The following PALM2AKAP2 variants were observed in gnomAD, a reference collection of about 807,000 sequenced individuals.
PALM2AKAP2 encodes the protein PALM2 and AKAP2 fusion.
A neutral mutation model predicts 71.5 loss-of-function variants in PALM2AKAP2; 37 were observed. The observed-to-expected ratio is 0.52, with a 90% CI of 0.40 to 0.68. The LOEUF (loss-of-function observed/expected upper bound fraction) is 0.68, where lower values mean the gene tolerates loss of function less well. Ranked by LOEUF, PALM2AKAP2 falls within the 30% of genes least tolerant of loss-of-function variation. PALM2AKAP2 has a pLI of 0.00. For missense variants in PALM2AKAP2, 1,224 were observed against 1,191.8 expected, an observed-to-expected ratio of 1.03 and a Z score of -0.40; for synonymous variants, 468 against 478.8, an observed-to-expected ratio of 0.98 and a Z score of 0.29.
At chr9:109,694,671 A>G (rs1262178808) in intron 1 of PALM2AKAP2, among the ~76,000 whole-genome samples, 1 of 152,110 alleles carries the variant, frequency 6.6e-6, no homozygotes, top group Non-Finnish European at 1.5e-5. Context: ...TAAATACTAA[A>G]GGTTTCTCTG....
chr9:110,046,658 AG>A (rs1833603002), upstream of PALM2AKAP2, among the ~76,000 whole-genome samples: 1 of 151,914 alleles, frequency 6.6e-6, no homozygotes, highest in Admixed American at 6.6e-5. Flanking sequence ...AGTAGAGACG[AG>A]GTTTCTCTAT....
At position 109,823,979 on chromosome 9, in the gene PALM2AKAP2, C is replaced by T. The variant is rs117905163; in HGVS notation, c.45+43446C>T. On this transcript the variant is annotated intron_variant, in intron 1 of 9. Transcript: ENST00000302798. ...TCATGGCTCACTACAGCCTCAACCTCCCCCAGCTCAGGTGATCCTCCTGCC... is the reference window on the plus strand; with the variant it reads ...TCATGGCTCACTACAGCCTCAACCTTCCCCAGCTCAGGTGATCCTCCTGCC... 7.2e-3 allele frequency among the ~76,000 whole-genome samples: 1,101 copies of T among 152,206 alleles called. 43 individuals carry two copies. Among genetic ancestry groups the T allele is most frequent in the Admixed American group, 0.057 (871 of 15,284 alleles).
chr9:110,001,325 G>C (rs1393659578), intron 6 of PALM2AKAP2, among the ~76,000 whole-genome samples: 1 of 152,186 alleles, frequency 6.6e-6, no homozygotes, highest in Non-Finnish European at 1.5e-5. Flanking sequence ...GTTAGTTGTA[G>C]AAATGTGGCA....
intron 3 of PALM2AKAP2, among the ~76,000 whole-genome samples, chr9:109,918,250 T>A (rs990362033): frequency 6.6e-6 from 1 of 152,204 alleles, no homozygotes; most frequent in Non-Finnish European, 1.5e-5. Context: ...TAAATAAACT[T>A]TGAAATAAGA....
intron 1 of PALM2AKAP2, among the ~76,000 whole-genome samples, chr9:109,693,245 C>T (rs187454826): frequency 6.6e-6 from 1 of 151,876 alleles, no homozygotes; most frequent in African/African-American, 2.4e-5. Context: ...TAATCTTTGT[C>T]AAATTTGTTG....
rs894962339 is a variant in PALM2AKAP2 at position 110,104,526 on chromosome 9, G to A, written c.157-31601G>A. Among the ~76,000 whole-genome samples, 8 of 152,280 alleles carry A rather than the reference G, an allele frequency of 5.3e-5. No homozygotes were observed. In the East Asian group the frequency reaches 1.2e-3, roughly 22 times the overall value. On this transcript the variant is annotated intron_variant, in intron 1 of 3. Transcript: ENST00000374525. ...TTCTGAAGGATGGTTTTTATAGCTA[G>A]TATAAACCCTTAGTTTATCAGCTTC...
At chr9:109,972,321 C>A (rs1002061620) in intron 6 of PALM2AKAP2, among the ~76,000 whole-genome samples, 9 of 152,186 alleles carry the variant, frequency 5.9e-5, no homozygotes, top group Admixed American at 2.0e-4. Context: ...TGTCTCTTAC[C>A]ATTCCGTTGT....
intron 7 of PALM2AKAP2, among the ~76,000 whole-genome samples, chr9:110,043,577 T>C (rs1833541936): frequency 6.6e-6 from 1 of 152,146 alleles, no homozygotes. Flanking sequence ...GTATTTTATA[T>C]ATTTACTCAT....
intron 1 of PALM2AKAP2, among the ~76,000 whole-genome samples, chr9:109,734,399 G>A: frequency 6.6e-6 from 1 of 152,016 alleles, no homozygotes; most frequent in East Asian, 1.9e-4. Flanking sequence ...TAGCCAATAG[G>A]CACATTTGTC....
At chr9:109,913,363 C>T (rs751902369) in intron 3 of PALM2AKAP2, among the ~76,000 whole-genome samples, 9 of 152,292 alleles carry the variant, frequency 5.9e-5, no homozygotes, top group Non-Finnish European at 7.3e-5. Context: ...GGAAGCCAGA[C>T]GGACACAAAT....
intron 2 of PALM2AKAP2, among the ~76,000 whole-genome samples, chr9:109,871,250 T>G (rs1242400243): frequency 6.6e-6 from 1 of 152,208 alleles, no homozygotes; most frequent in Non-Finnish European, 1.5e-5. Context: ...ACTTTGTATA[T>G]GGACTTCGAG....
Position 109,902,418 on chromosome 9 carries a change from G to A in PALM2AKAP2, c.258-21317G>A, listed in dbSNP as rs376200532. 3.3e-5 allele frequency among the ~76,000 whole-genome samples: 5 copies of A among 152,196 alleles called. No individual in the cohort carries two copies. In the East Asian group the frequency reaches 7.7e-4, roughly 23 times the overall value. On this transcript the variant is annotated intron_variant, in intron 3 of 9. Transcript: ENST00000302798. Reference sequence around the variant, plus strand: ...TGGGAGCATGGGAGGGATATAATCAGAACAGCAGCATTCTTTCATTATGAC... The same window carrying A: ...TGGGAGCATGGGAGGGATATAATCAAAACAGCAGCATTCTTTCATTATGAC...
At chr9:109,649,729 C>G (rs1827200328) in intron 1 of PALM2AKAP2, among the ~76,000 whole-genome samples, 1 of 152,154 alleles carries the variant, frequency 6.6e-6, no homozygotes, top group Non-Finnish European at 1.5e-5. Flanking sequence ...CTACTATTTG[C>G]CCAAGAATAG....
intron 3 of PALM2AKAP2, among the ~76,000 whole-genome samples, chr9:109,918,323 T>C (rs1830741951): frequency 6.6e-6 from 1 of 152,212 alleles, no homozygotes; most frequent in Admixed American, 6.5e-5. Context: ...GATGATCTAT[T>C]GGGGTTAGGT....
chr9:110,166,789 C>A (rs1836746671), intron 3 of PALM2AKAP2, among the ~76,000 whole-genome samples: 1 of 152,052 alleles, frequency 6.6e-6, no homozygotes, highest in Admixed American at 6.5e-5. Flanking sequence ...GAGATGGACC[C>A]CCGATCTCCC....
chr9:109,933,439 A>C (rs1490932933), intron 6 of PALM2AKAP2, among the ~76,000 whole-genome samples: 1 of 152,234 alleles, frequency 6.6e-6, no homozygotes, highest in African/African-American at 2.4e-5. Context: ...CTGCACTTCA[A>C]AGGACACAGG....
At chr9:109,681,616 C>G (rs957005410) in intron 1 of PALM2AKAP2, among the ~76,000 whole-genome samples, 2 of 152,146 alleles carry the variant, frequency 1.3e-5, no homozygotes, top group African/African-American at 2.4e-5. Context: ...ACAAAAGACA[C>G]TAGGGCAGGA....
At chr9:109,980,958 G>A (rs1057370558) in intron 6 of PALM2AKAP2, among the ~76,000 whole-genome samples, 5 of 152,212 alleles carry the variant, frequency 3.3e-5, no homozygotes, top group South Asian at 2.1e-4. Flanking sequence ...TCCCAGCTTC[G>A]TGGTTTGTGC....
At chr9:110,006,248 C>T (rs1458751405) in intron 6 of PALM2AKAP2, among the ~76,000 whole-genome samples, 1 of 151,454 alleles carries the variant, frequency 6.6e-6, no homozygotes, top group East Asian at 1.9e-4. Context: ...CTCTCGCCTG[C>T]CTGCCTTCCT....
Sources: allele counts gnomAD v4.1 joint callset (sites outside exome capture counted in the v4.1 genomes callset), GRCh38; gene constraint gnomAD v4.1.1; transcripts MANE v1.5; gene names NCBI Gene and HGNC (gene_info 2026-07-23, HGNC 2026-07-21).